The following LEPROTL1 variants were observed in gnomAD, a reference collection of about 807,000 sequenced individuals.
LEPROTL1 encodes the protein leptin receptor overlapping transcript-like 1.
Under a neutral mutation model 15.4 loss-of-function variants are expected in LEPROTL1, and 6 were observed. The ratio of observed to expected loss-of-function variants is 0.39; its 90% CI spans 0.21 to 0.77. The LOEUF (loss-of-function observed/expected upper bound fraction) is 0.77. Among genes scored for constraint, LEPROTL1 ranks in the 30% least tolerant of loss-of-function variants. The pLI, the probability that LEPROTL1 is intolerant of heterozygous loss-of-function variation, is 0.41. For missense variants in LEPROTL1, 128 were observed against 158.1 expected, an observed-to-expected ratio of 0.81 and a Z score of 1.02; for synonymous variants, 56 against 52.6, an observed-to-expected ratio of 1.06 and a Z score of -0.28.
At chr8:30,133,961 C>T (rs1442515506) in intron 4 of LEPROTL1, among the ~76,000 whole-genome samples, 2 of 152,100 alleles carry the variant, frequency 1.3e-5, no homozygotes, top group Non-Finnish European at 2.9e-5. Flanking sequence ...AAACCACAAC[C>T]TTGCATAACA....
intron 3 of LEPROTL1, among the ~76,000 whole-genome samples, chr8:30,128,727 G>T (rs1324581660): frequency 6.6e-6 from 1 of 151,458 alleles, no homozygotes; most frequent in Non-Finnish European, 1.5e-5. Flanking sequence ...ACTCCAGCCT[G>T]GGTGACAGAG....
chr8:30,095,908 G>C (rs1351309232), intron 1 of LEPROTL1: 1 of 698,920 alleles, frequency 1.4e-6, no homozygotes, highest in Admixed American at 2.0e-5. Context: ...GCGTGGGATT[G>C]AGAAGGCTGA....
Position 30,107,245 on chromosome 8 carries a change from CA to C in LEPROTL1, c.*1389del, listed in dbSNP as rs1802582985. On this transcript the variant is annotated 3_prime_UTR_variant, in exon 4 of 4. Coordinates refer to ENST00000321250, the MANE Select transcript of LEPROTL1 (RefSeq NM_015344.3). ...TAGCAGCTTCAGAAACATACCTGAC[CA>C]AAAAATTCCCAGTAACCAGGCATGA... 3.0e-6 allele frequency: 3 copies of C among 985,252 alleles called. No individual in the cohort carries two copies. The highest frequency in any genetic ancestry group is 9.4e-5 in the South Asian group (2 of 21,292). The allele number at this position is 985,252 out of a possible 1,614,324, so 61.0% of individuals were successfully genotyped here.
At chr8:30,129,279 G>A (rs564660746) in intron 3 of LEPROTL1, among the ~76,000 whole-genome samples, 9 of 152,254 alleles carry the variant, frequency 5.9e-5, no homozygotes, top group Admixed American at 1.3e-4. Context: ...GATTGGGCTC[G>A]TTGTTTGCCT....
At chr8:30,110,172 A>C (rs766695739), downstream of LEPROTL1, among the ~76,000 whole-genome samples, 2 of 152,188 alleles carry the variant, frequency 1.3e-5, no homozygotes, top group African/African-American at 4.8e-5. Context: ...ATTTGAATTC[A>C]TCTGTGGGTT....
In LEPROTL1 at chr8:30,107,699, G is replaced by T. The variant is rs1176460942; in HGVS notation, c.*1837G>T. ...AAGAGGAAGGTGCAGGTACACATGA[G>T]TTAGAGAGCTGGTGAGACAGTTGGG... On this transcript the variant is annotated 3_prime_UTR_variant, in exon 4 of 4. Transcript: ENST00000321250. 72 of 985,372 alleles carry T rather than the reference G, an allele frequency of 7.3e-5. No individual in the cohort carries two copies. The highest frequency in any genetic ancestry group is 8.4e-5 in the Non-Finnish European group (70 of 829,946). The allele number at this position is 985,372 out of a possible 1,614,324, so 61.0% of individuals were successfully genotyped here.
intron 3 of LEPROTL1, among the ~76,000 whole-genome samples, chr8:30,130,840 T>C (rs955139218): frequency 2.0e-5 from 3 of 148,278 alleles, no homozygotes; most frequent in Non-Finnish European, 4.4e-5. Flanking sequence ...AGTGTAGTGG[T>C]GTGATCTCGG....
At position 30,095,482 on chromosome 8, in the gene LEPROTL1, G is replaced by C; in HGVS notation, c.-31G>C. On this transcript the variant is annotated 5_prime_UTR_variant, in exon 1 of 4. Coordinates refer to ENST00000321250, the MANE Select transcript of LEPROTL1 (RefSeq NM_015344.3). ...CTGCCGCTGCTGCCGCCGCCGCCTC[G>C]GGTCGTGGAGCCAGGAGCGACGTCA... 1 of 1,464,078 alleles carries C rather than the reference G, an allele frequency of 6.8e-7. No homozygotes were observed. The highest frequency in any genetic ancestry group is 9.0e-7 in the Non-Finnish European group (1 of 1,112,310). The allele number at this position is 1,464,078 out of a possible 1,614,324, so 90.7% of individuals were successfully genotyped here. A position where few individuals can be genotyped will look rare whatever the true frequency, so the allele number is the denominator to read the frequency against.
rs142764689 is a variant in LEPROTL1, at chr8:30,114,706, C to T, written c.279+10220C>T. On this transcript the variant is annotated intron_variant, in intron 3 of 4. Coordinates refer to the LEPROTL1 transcript ENST00000442880. ...GGCTCAGTTATGCTTCAGCAGCGAA[C>T]GACTCCCATATCTCAGGGCTAACAA... Among the ~76,000 whole-genome samples, 8 of 152,284 alleles carry T rather than the reference C, an allele frequency of 5.3e-5. No homozygotes were observed. The South Asian group carries it at 8.3e-4, about 16-fold the overall frequency.
intron 3 of LEPROTL1, among the ~76,000 whole-genome samples, chr8:30,122,216 A>G (rs1802841027): frequency 6.6e-6 from 1 of 152,186 alleles, no homozygotes; most frequent in East Asian, 1.9e-4. Flanking sequence ...CAATGTGGAA[A>G]GAATCACCTC....
intron 1 of LEPROTL1, among the ~76,000 whole-genome samples, chr8:30,099,910 G>C (rs1194605509): frequency 2.6e-5 from 4 of 152,220 alleles, no homozygotes; most frequent in Non-Finnish European, 5.9e-5. Context: ...CACTGTAGTA[G>C]CCTGGTGTGA....
At position 30,107,900 on chromosome 8, in the gene LEPROTL1, A is replaced by AT. The variant is rs1802595783; in HGVS notation, c.*2040dup. On this transcript the variant is annotated 3_prime_UTR_variant, in exon 4 of 4. Transcript: ENST00000321250. ...TCTATATACTAACTGCATTGGCAGC[A>AT]TTGTGTCTTTGACCTTGTATACTAG... 11 of 985,298 alleles carry AT rather than the reference A, an allele frequency of 1.1e-5. No individual in the cohort carries two copies. Among genetic ancestry groups the AT allele is most frequent in the Middle Eastern group, 5.2e-4 (1 of 1,912 alleles). The allele number at this position is 985,298 out of a possible 1,614,324, so 61.0% of individuals were successfully genotyped here.
chr8:30,113,858 A>G (rs1308299083), intron 3 of LEPROTL1, among the ~76,000 whole-genome samples: 2 of 152,196 alleles, frequency 1.3e-5, no homozygotes, highest in Non-Finnish European at 2.9e-5. Flanking sequence ...AAACAAATTC[A>G]GAGAACTCAC....
intron 3 of LEPROTL1, among the ~76,000 whole-genome samples, chr8:30,125,118 A>C (rs771188132): frequency 2.6e-5 from 4 of 152,146 alleles, no homozygotes; most frequent in Non-Finnish European, 2.9e-5. Context: ...TAATTATCTC[A>C]CTTGTTGTAA....
chr8:30,131,742 C>T, intron 3 of LEPROTL1: 3 of 546,936 alleles, frequency 5.5e-6, no homozygotes, highest in African/African-American at 1.9e-5. Flanking sequence ...ACATCTTTTT[C>T]CTTTTTGTAT....
exon 4 of LEPROTL1, chr8:30,132,476 A>G: frequency 6.4e-7 from 1 of 1,551,766 alleles, no homozygotes; most frequent in Non-Finnish European, 8.7e-7. Context: ...TCCAGGATCC[A>G]GTGGGAGTAG....
chr8:30,104,290 C>A lies in LEPROTL1; in HGVS notation c.93-10C>A, dbSNP rs1404686719. On this transcript the variant is annotated splice_polypyrimidine_tract_variant and intron_variant, in intron 2 of 3. Transcript: ENST00000321250. ...GCAAAAATTACATTAACTTATTTTT[C>A]TTTTTCTAGCAAATACTGGCCCCTC... The A allele has an allele frequency of 2.1e-6, 3 of 1,445,652 alleles. No homozygotes were observed. The highest frequency in any genetic ancestry group is 1.8e-6 in the Non-Finnish European group (2 of 1,083,142). The allele number at this position is 1,445,652 out of a possible 1,614,324, so 89.6% of individuals were successfully genotyped here.
At chr8:30,129,892 G>A (rs573636953) in intron 3 of LEPROTL1, among the ~76,000 whole-genome samples, 1 of 152,236 alleles carries the variant, frequency 6.6e-6, no homozygotes, top group East Asian at 1.9e-4. Flanking sequence ...AGAGGCAGGA[G>A]GCACGTTTTA....
At chr8:30,117,924 C>T in intron 3 of LEPROTL1, 2 of 478,738 alleles carry the variant, frequency 4.2e-6, no homozygotes, top group Non-Finnish European at 3.6e-6. Flanking sequence ...TAGAAAAATG[C>T]TTATAGACAT....
Sources: allele counts gnomAD v4.1 joint callset (sites outside exome capture counted in the v4.1 genomes callset), GRCh38; gene constraint gnomAD v4.1.1; transcripts MANE v1.5; gene names NCBI Gene and HGNC (gene_info 2026-07-23, HGNC 2026-07-21).